The following PALM2AKAP2 variants were observed in gnomAD, a reference collection of about 807,000 sequenced individuals.
PALM2AKAP2 encodes the protein PALM2-AKAP2 fusion protein.
A neutral mutation model predicts 71.5 loss-of-function variants in PALM2AKAP2; 37 were observed. The ratio of observed to expected loss-of-function variants is 0.52; its 90% CI spans 0.40 to 0.68. The LOEUF (loss-of-function observed/expected upper bound fraction) is 0.68. Ranked by LOEUF, PALM2AKAP2 falls within the 30% of genes least tolerant of loss-of-function variation. The pLI is 0.00. For missense variants in PALM2AKAP2, 1,224 were observed against 1,191.8 expected (o/e 1.03, Z -0.40); for synonymous variants, 468 against 478.8 (o/e 0.98, Z 0.29).
At chr9:109,818,626 G>A (rs1023989693) in intron 1 of PALM2AKAP2, among the ~76,000 whole-genome samples, 3 of 152,178 alleles carry the variant, frequency 2.0e-5, no homozygotes, top group African/African-American at 7.2e-5. Context: ...GCTAAGCCAT[G>A]TATACTTTTT....
At chr9:109,879,276 A>G (rs1479272299) in intron 2 of PALM2AKAP2, among the ~76,000 whole-genome samples, 1 of 152,182 alleles carries the variant, frequency 6.6e-6, no homozygotes, top group African/African-American at 2.4e-5. Flanking sequence ...CAGGGAGCCA[A>G]AGAGCCAGGT....
At chr9:109,880,508 T>C (rs747827871) in intron 2 of PALM2AKAP2, 43 bp from the exon 3 acceptor site, 6 of 1,608,712 alleles carry the variant, frequency 3.7e-6, no homozygotes, top group Non-Finnish European at 5.1e-6. Flanking sequence ...CAGTGTGGAC[T>C]GAAAAGTATC....
At chr9:109,988,700 G>A (rs1832422261) in intron 6 of PALM2AKAP2, among the ~76,000 whole-genome samples, 1 of 151,854 alleles carries the variant, frequency 6.6e-6, no homozygotes. Flanking sequence ...GCGGGAGGAG[G>A]AAGGGAGGAA....
chr9:109,834,050 T>TA (rs1409521212), intron 1 of PALM2AKAP2, among the ~76,000 whole-genome samples: 3 of 152,098 alleles, frequency 2.0e-5, no homozygotes, highest in Non-Finnish European at 2.9e-5. Context: ...CCGTCTCTAC[T>TA]AAAAAAATAA....
At chr9:110,117,872 T>TAGAG (rs56179548) in intron 1 of PALM2AKAP2, among the ~76,000 whole-genome samples, 1 of 144,280 alleles carries the variant, frequency 6.9e-6, no homozygotes, top group Non-Finnish European at 1.5e-5. Context: ...TATATATATA[T>TAGAG]AGAGAGAGAG....
chr9:109,876,087 A>G (rs1829714823), intron 2 of PALM2AKAP2, among the ~76,000 whole-genome samples: 1 of 152,198 alleles, frequency 6.6e-6, no homozygotes, highest in Admixed American at 6.5e-5. Context: ...TAGCTATGAT[A>G]CTTTTTTTTG....
At chr9:109,980,692 T>C (rs556853391) in intron 6 of PALM2AKAP2, among the ~76,000 whole-genome samples, 2 of 152,348 alleles carry the variant, frequency 1.3e-5, no homozygotes, top group Middle Eastern at 6.8e-3. Context: ...AACAGGTTCC[T>C]TGGGTGCTTC....
intron 6 of PALM2AKAP2, among the ~76,000 whole-genome samples, chr9:109,968,018 C>G (rs1831990031): frequency 2.0e-5 from 3 of 152,218 alleles, no homozygotes; most frequent in Non-Finnish European, 2.9e-5. Context: ...TACCACAGTG[C>G]TTGGCACACA....
intron 1 of PALM2AKAP2, among the ~76,000 whole-genome samples, chr9:110,073,660 A>G (rs1834257834): frequency 6.6e-6 from 1 of 152,188 alleles, no homozygotes; most frequent in African/African-American, 2.4e-5. Context: ...CACTTCTGTG[A>G]CTTTTGCAGA....
chr9:109,960,035 C>G (rs753442759), intron 6 of PALM2AKAP2, among the ~76,000 whole-genome samples: 3 of 152,186 alleles, frequency 2.0e-5, no homozygotes, highest in Non-Finnish European at 4.4e-5. Flanking sequence ...GCAACAACTT[C>G]TTCTCCATCA....
chr9:109,925,035 G>A (rs765820846), intron 4 of PALM2AKAP2, 26 bp from the exon 5 acceptor site: 8 of 1,614,086 alleles, frequency 5.0e-6, no homozygotes, highest in East Asian at 2.2e-5. Flanking sequence ...GTAGAGTAAC[G>A]CTCTGCCTTG....
At chr9:109,921,640 C>T (rs916546349) in intron 3 of PALM2AKAP2, among the ~76,000 whole-genome samples, 5 of 152,174 alleles carry the variant, frequency 3.3e-5, no homozygotes, top group Non-Finnish European at 7.4e-5. Context: ...GGCATCTGAG[C>T]TGAGACTTCA....
At chr9:109,654,120 CT>C in intron 1 of PALM2AKAP2, among the ~76,000 whole-genome samples, 1 of 152,194 alleles carries the variant, frequency 6.6e-6, no homozygotes, top group East Asian at 1.9e-4. Flanking sequence ...TTGGTCAGTC[CT>C]TTAATATTTT....
intron 1 of PALM2AKAP2, among the ~76,000 whole-genome samples, chr9:109,672,845 G>C (rs750953774): frequency 2.0e-5 from 3 of 151,658 alleles, no homozygotes; most frequent in Non-Finnish European, 4.4e-5. Context: ...GGGTATATGT[G>C]TCCAGGAATT....
upstream of PALM2AKAP2, among the ~76,000 whole-genome samples, chr9:110,046,928 A>G (rs1034755796): frequency 6.6e-6 from 1 of 152,198 alleles, no homozygotes; most frequent in Admixed American, 6.5e-5. Flanking sequence ...TAGAGAGTCT[A>G]TGGTCCATAT....
chr9:110,111,652 TTGCAAG>T (rs1835256093), intron 1 of PALM2AKAP2, among the ~76,000 whole-genome samples: 1 of 152,250 alleles, frequency 6.6e-6, no homozygotes, highest in Non-Finnish European at 1.5e-5. Context: ...TTCTGAGGTT[TTGCAAG>T]TGATCACCAA....
At chr9:109,892,342 A>G (rs917135987) in intron 3 of PALM2AKAP2, among the ~76,000 whole-genome samples, 2 of 152,080 alleles carry the variant, frequency 1.3e-5, no homozygotes, top group Non-Finnish European at 2.9e-5. Flanking sequence ...AAAGACCCCT[A>G]TCATTGGATT....
At chr9:109,733,870 T>A (rs2118666405) in intron 1 of PALM2AKAP2, among the ~76,000 whole-genome samples, 1 of 152,356 alleles carries the variant, frequency 6.6e-6, no homozygotes, top group East Asian at 1.9e-4. Context: ...GTTGCTGCTG[T>A]CAGCCACTTG....
At chr9:109,791,920 C>T (rs1458361134) in intron 1 of PALM2AKAP2, among the ~76,000 whole-genome samples, 2 of 152,192 alleles carry the variant, frequency 1.3e-5, no homozygotes, top group Non-Finnish European at 2.9e-5. Context: ...GATTTTAACA[C>T]AGTGTAGGCT....
Sources: allele counts gnomAD v4.1 joint callset (sites outside exome capture counted in the v4.1 genomes callset), GRCh38; gene constraint gnomAD v4.1.1; transcripts MANE v1.5; gene names NCBI Gene and HGNC (gene_info 2026-07-23, HGNC 2026-07-21).